PTPRD: variants seen among roughly 807,000 people sequenced by gnomAD.
PTPRD encodes protein tyrosine phosphatase receptor type D.
A neutral mutation model predicts 214.5 loss-of-function variants in PTPRD; 34 were observed. The ratio of observed to expected loss-of-function variants is 0.16; its 90% confidence interval spans 0.12 to 0.21. The LOEUF (loss-of-function observed/expected upper bound fraction) is 0.21. PTPRD is among the 10% of genes least tolerant of loss of function. The probability of loss-of-function intolerance (pLI) is 1.00; values close to 1 mark genes in which losing one functional copy is unlikely to be tolerated. For synonymous variants in PTPRD, 1,128 were observed against 845.7 expected, an observed-to-expected ratio of 1.33 and a Z score of -5.79; for missense variants, 2,545 against 2,398.7, an observed-to-expected ratio of 1.06 and a Z score of -1.27.
chr9:9,276,289 G>A (rs760526803), intron 9 of PTPRD, among the ~76,000 whole-genome samples: 9 of 151,488 alleles, frequency 5.9e-5, no homozygotes, highest in East Asian at 2.0e-4. Flanking sequence ...TTAACTAAGA[G>A]AGCAGAAGAA....
At chr9:8,545,898 C>T (rs557988166) in intron 14 of PTPRD, among the ~76,000 whole-genome samples, 3 of 152,302 alleles carry the variant, frequency 2.0e-5, no homozygotes, top group African/African-American at 2.4e-5. Flanking sequence ...AGAAATCCAA[C>T]AAACTTTATA....
rs2097822172 is a variant in PTPRD at position 8,518,262 on chromosome 9, G to A, written c.1129C>T (p.Arg377Cys). The A allele has an allele frequency of 3.1e-6, 5 of 1,614,132 alleles. No individual in the cohort carries two copies. Among genetic ancestry groups the A allele is most frequent in the Non-Finnish European group, 4.2e-6 (5 of 1,180,012 alleles). ...GGACTTAGTCCAGCGACACTGTAGC[G>A]TGTGGTCGCCACCCCATCAATTTCT... ...YKEIDGVATT[R>C]YSVAGLSPYS... is the part of the protein sequence containing the mutation. The change falls in exon 21 of 46, where the codon CGC (arginine) becomes TGC (cysteine). Residue 377 changes from arginine to cysteine, a missense_variant. Physicochemically the swap from Arg to Cys is radical, Grantham distance 180 (BLOSUM62 -3). Transcript: ENST00000381196.
At chr9:9,347,611 A>T (rs1410567934) in intron 9 of PTPRD, among the ~76,000 whole-genome samples, 1 of 152,160 alleles carries the variant, frequency 6.6e-6, no homozygotes, top group African/African-American at 2.4e-5. Context: ...GGCAATATCC[A>T]TGCAGTTACA....
chr9:9,841,843 T>G (rs1005265484), intron 5 of PTPRD, among the ~76,000 whole-genome samples: 1 of 152,136 alleles, frequency 6.6e-6, no homozygotes, highest in African/African-American at 2.4e-5. Flanking sequence ...AGCATAAATA[T>G]TTACACTGCA....
chr9:10,530,165 T>C (rs952311494), intron 2 of PTPRD, among the ~76,000 whole-genome samples: 3 of 152,180 alleles, frequency 2.0e-5, no homozygotes, highest in Admixed American at 6.6e-5. Context: ...AAATAAAGTC[T>C]ATAGTAAAAT....
intron 3 of PTPRD, among the ~76,000 whole-genome samples, chr9:10,281,749 ATT>A (rs1330795495): frequency 6.6e-6 from 1 of 152,168 alleles, no homozygotes. Flanking sequence ...ACTCATCCTC[ATT>A]AAATTTTGAA....
intron 10 of PTPRD, among the ~76,000 whole-genome samples, chr9:9,097,859 T>C (rs2099785916): frequency 6.6e-6 from 1 of 152,112 alleles, no homozygotes; most frequent in Non-Finnish European, 1.5e-5. Flanking sequence ...AGATGGTGTT[T>C]TCCTAAGGAG....
chr9:9,953,392 C>T (rs1208307266), intron 4 of PTPRD, among the ~76,000 whole-genome samples: 1 of 151,980 alleles, frequency 6.6e-6, no homozygotes, highest in Non-Finnish European at 1.5e-5. Context: ...ACTAAAATCT[C>T]AGAATTCAAC....
At chr9:10,199,910 C>T (rs763153533) in intron 3 of PTPRD, among the ~76,000 whole-genome samples, 3 of 61,638 alleles carry the variant, frequency 4.9e-5, no homozygotes, top group Admixed American at 2.6e-4. Context: ...CGCGCACACA[C>T]GCACACACAC....
intron 11 of PTPRD, among the ~76,000 whole-genome samples, chr9:8,941,628 A>G (rs901119076): frequency 7.2e-5 from 11 of 152,186 alleles, no homozygotes; most frequent in African/African-American, 2.7e-4. Flanking sequence ...TACTACATCC[A>G]TGAAAAATAA....
At chr9:9,719,966 C>A (rs954762324) in intron 7 of PTPRD, among the ~76,000 whole-genome samples, 1 of 152,140 alleles carries the variant, frequency 6.6e-6, no homozygotes, top group Admixed American at 6.5e-5. Flanking sequence ...CAGGACCCCA[C>A]GCTTGATTGT....
chr9:10,336,076 T>C (rs1431924719), intron 3 of PTPRD, among the ~76,000 whole-genome samples: 1 of 151,742 alleles, frequency 6.6e-6, no homozygotes, highest in Non-Finnish European at 1.5e-5. Context: ...AATCCAGCAA[T>C]TGTGCTCCTT....
chr9:9,664,325 T>C (rs2096674598), intron 7 of PTPRD, among the ~76,000 whole-genome samples: 1 of 151,594 alleles, frequency 6.6e-6, no homozygotes, highest in African/African-American at 2.4e-5. Flanking sequence ...AGAAAGCTTT[T>C]CTAACGCATA....
At chr9:8,911,592 T>C (rs2098749026) in intron 11 of PTPRD, among the ~76,000 whole-genome samples, 1 of 152,158 alleles carries the variant, frequency 6.6e-6, no homozygotes, top group South Asian at 2.1e-4. Context: ...GAGAAAATGT[T>C]TGTGATCATA....
intron 10 of PTPRD, among the ~76,000 whole-genome samples, chr9:9,097,965 G>C (rs1031949897): frequency 6.6e-6 from 1 of 152,070 alleles, no homozygotes; most frequent in Non-Finnish European, 1.5e-5. Flanking sequence ...AAGATCCAGA[G>C]AGGGACCTGG....
At chr9:10,515,098 C>A (rs1333637545) in intron 2 of PTPRD, among the ~76,000 whole-genome samples, 4 of 151,864 alleles carry the variant, frequency 2.6e-5, no homozygotes, top group Non-Finnish European at 4.4e-5. Context: ...TTATCCCACC[C>A]ACAATTTCTC....
intron 14 of PTPRD, among the ~76,000 whole-genome samples, chr9:8,563,898 C>G (rs556373609): frequency 3.9e-5 from 6 of 152,324 alleles, no homozygotes; most frequent in African/African-American, 1.4e-4. Context: ...CTCCTGACCT[C>G]AAGTGAATCT....
At chr9:8,659,214 G>A (rs962856061) in intron 12 of PTPRD, among the ~76,000 whole-genome samples, 2 of 152,152 alleles carry the variant, frequency 1.3e-5, no homozygotes, top group Non-Finnish European at 2.9e-5. Context: ...TGAGGATTTG[G>A]AGACATTTTT....
At chr9:8,557,264 G>A (rs16928124) in intron 14 of PTPRD, among the ~76,000 whole-genome samples, 26,587 of 151,572 alleles carry the variant, frequency 0.18, 2,641 homozygotes, top group African/African-American at 0.26. Flanking sequence ...TAATGAGAGC[G>A]AACTTCCTGA....
Sources: allele counts gnomAD v4.1 joint callset (sites outside exome capture counted in the v4.1 genomes callset), GRCh38; gene constraint gnomAD v4.1.1; transcripts MANE v1.5; gene names NCBI Gene and HGNC (gene_info 2026-07-23, HGNC 2026-07-21).